SNX25: variants seen among roughly 807,000 people sequenced by gnomAD.
SNX25 encodes sorting nexin-25.
Under a neutral mutation model 113.7 loss-of-function variants are expected in SNX25, and 62 were observed. That is an observed-to-expected ratio of 0.55 (90% CI 0.44 to 0.67). SNX25 has a LOEUF of 0.67. Ranked by LOEUF, SNX25 falls within the 30% of genes least tolerant of loss-of-function variation. SNX25 has a pLI of 0.00. For missense variants in SNX25, 1,014 were observed against 1,161.0 expected (o/e 0.87, Z 1.84); for synonymous variants, 421 against 436.2 (o/e 0.97, Z 0.43).
At chr4:185,225,298 G>A (rs1447861423) in intron 1 of SNX25, among the ~76,000 whole-genome samples, 3 of 152,080 alleles carry the variant, frequency 2.0e-5, no homozygotes, top group African/African-American at 7.2e-5. Flanking sequence ...GCTAATTTTT[G>A]TATTTTTAGT....
intron 9 of SNX25, among the ~76,000 whole-genome samples, chr4:185,324,931 G>A (rs2095145854): frequency 6.6e-6 from 1 of 152,176 alleles, no homozygotes; most frequent in Non-Finnish European, 1.5e-5. Flanking sequence ...CTGTGAAATA[G>A]CTGTAATCCT....
upstream of SNX25, among the ~76,000 whole-genome samples, chr4:185,204,697 G>T (rs1737109962): frequency 6.6e-6 from 1 of 152,180 alleles, no homozygotes; most frequent in South Asian, 2.1e-4. Context: ...GAACCCCATG[G>T]AATCACAAAG....
At chr4:185,285,121 C>T (rs1312890590) in intron 5 of SNX25, among the ~76,000 whole-genome samples, 1 of 152,206 alleles carries the variant, frequency 6.6e-6, no homozygotes, top group Non-Finnish European at 1.5e-5. Context: ...TTCATTTCAT[C>T]TCTATTTTGC....
chr4:185,240,076 G>T (rs1327733807), intron 1 of SNX25, among the ~76,000 whole-genome samples: 1 of 151,728 alleles, frequency 6.6e-6, no homozygotes, highest in Non-Finnish European at 1.5e-5. Context: ...AGAGCACAGG[G>T]TTGGGGGTAA....
chr4:185,261,801 AT>A (rs1259863041), intron 3 of SNX25, among the ~76,000 whole-genome samples: 1 of 152,172 alleles, frequency 6.6e-6, no homozygotes, highest in Non-Finnish European at 1.5e-5. Context: ...GTAGTTGATG[AT>A]AAAAAATAAA....
At chr4:185,376,443 C>CTTTTTTTTTT in the SNX25 span, among the ~76,000 whole-genome samples, 2,039 of 105,882 alleles carry the variant, frequency 0.019, 3 homozygotes, top group African/African-American at 0.027. Context: ...TGCCCAGCTA[C>CTTTTTTTTTT]TTTTTTTTTT....
intron 3 of SNX25, 56 bp downstream of exon 3, chr4:185,259,120 A>G: frequency 6.8e-7 from 1 of 1,478,176 alleles, no homozygotes; most frequent in South Asian, 1.2e-5. Flanking sequence ...TTAATTGAGT[A>G]AAAGGTCAAA....
At chr4:185,282,068 T>G (rs1214339115) in intron 5 of SNX25, among the ~76,000 whole-genome samples, 1 of 152,300 alleles carries the variant, frequency 6.6e-6, no homozygotes, top group African/African-American at 2.4e-5. Context: ...GCACTCGTAA[T>G]GTGTATGGTA....
In SNX25 at chr4:185,234,080, G is replaced by A. The variant is rs575180383; in HGVS notation, c.430-13214G>A. On this transcript the variant is annotated intron_variant, in intron 1 of 18. Transcript: ENST00000652585. ...TCACCGTGTTAGCCAGGATGGTCTC[G>A]ATCTCCTGACCTCGTGATCTGCCCG... Among the ~76,000 whole-genome samples the A allele has an allele frequency of 2.0e-5, 3 of 152,058 alleles. No individual in the cohort carries two copies. The South Asian group carries it at 6.2e-4, about 32-fold the overall frequency.
chr4:185,372,743 G>T, downstream of SNX25: 2 of 814,364 alleles, frequency 2.5e-6, no homozygotes, highest in East Asian at 2.7e-5. Context: ...CCCTCTGGAG[G>T]TTGCAGCCCT....
intron 5 of SNX25, among the ~76,000 whole-genome samples, chr4:185,284,157 G>A (rs1364042481): frequency 6.6e-6 from 1 of 152,112 alleles, no homozygotes; most frequent in Non-Finnish European, 1.5e-5. Context: ...GATCTAGTTG[G>A]GGTGAAAAAA....
chr4:185,305,520 G>C (rs912751008), intron 6 of SNX25, among the ~76,000 whole-genome samples: 1 of 152,166 alleles, frequency 6.6e-6, no homozygotes, highest in Non-Finnish European at 1.5e-5. Flanking sequence ...TGCCTCATTA[G>C]AAATAGCATC....
At chr4:185,362,489 T>C (rs1489128628) in intron 17 of SNX25, 122 bp from the exon 18 acceptor site, 2 of 1,173,790 alleles carry the variant, frequency 1.7e-6, no homozygotes, top group East Asian at 2.5e-5. Context: ...TGACCATTCA[T>C]GTTTCTCATG....
Position 185,357,139 on chromosome 4 carries a change from G to T in SNX25, c.2585-532G>T, listed in dbSNP as rs916484033. Among the ~76,000 whole-genome samples, 4 of 152,122 alleles carry T rather than the reference G, an allele frequency of 2.6e-5. No homozygotes were observed. In the South Asian group the frequency reaches 8.3e-4, roughly 31 times the overall value. On this transcript the variant is annotated intron_variant, in intron 15 of 18. Transcript: ENST00000652585. ...CGGCCAAATTCATTTCTCATTCAGG[G>T]TCCTGCCTCTTCACCATTCACTTAT...
chr4:185,339,268 GT>G, intron 10 of SNX25, 110 bp from the exon 11 acceptor site: 2 of 958,846 alleles, frequency 2.1e-6, no homozygotes, highest in South Asian at 3.9e-5. Flanking sequence ...TTCACTGTTA[GT>G]GTATCGAAAC....
the SNX25 span, chr4:185,375,597 C>G: frequency 6.9e-7 from 1 of 1,449,962 alleles, no homozygotes; most frequent in Non-Finnish European, 9.3e-7. Context: ...CCACTGTGAC[C>G]AAGACATTAA....
chr4:185,222,133 A>AC (rs1162607340), intron 1 of SNX25, among the ~76,000 whole-genome samples: 1 of 146,054 alleles, frequency 6.8e-6, no homozygotes, highest in African/African-American at 2.5e-5. Context: ...AGCACCATAT[A>AC]CCCCCCATTC....
chr4:185,358,104 G>A (rs556205699), intron 16 of SNX25, among the ~76,000 whole-genome samples: 41 of 152,312 alleles, frequency 2.7e-4, no homozygotes, highest in Middle Eastern at 6.8e-3. Context: ...TAAGCCAGAA[G>A]GCAAGTAGGA....
At chr4:185,372,070 TTTA>T (rs2095418051), downstream of SNX25, among the ~76,000 whole-genome samples, 1 of 152,238 alleles carries the variant, frequency 6.6e-6, no homozygotes, top group Admixed American at 6.5e-5. Flanking sequence ...TCTTTTATAT[TTTA>T]TTAGATATAG....
Sources: allele counts gnomAD v4.1 joint callset (sites outside exome capture counted in the v4.1 genomes callset), GRCh38; gene constraint gnomAD v4.1.1; transcripts MANE v1.5; gene names NCBI Gene and HGNC (gene_info 2026-07-23, HGNC 2026-07-21).